FANK1: variants seen among roughly 807,000 people sequenced by gnomAD.
FANK1 encodes fibronectin type III and ankyrin repeat domains 1, also known as fibronectin type 3 and ankyrin repeat domains protein 1.
FANK1 carries 44 observed loss-of-function variants against 45.3 expected under a neutral mutation model. That is an observed-to-expected ratio of 0.97 (90% confidence interval 0.76 to 1.25). The LOEUF is 1.25. Among genes scored for constraint, FANK1 ranks in the 50% most tolerant of loss-of-function variants. FANK1 has a pLI of 0.00. For synonymous variants in FANK1, 149 were observed against 152.5 expected (o/e 0.98, Z 0.17); for missense variants, 391 against 424.4 (o/e 0.92, Z 0.69).
At chr10:125,982,448 G>A (rs1951282064) in intron 2 of FANK1, among the ~76,000 whole-genome samples, 1 of 152,222 alleles carries the variant, frequency 6.6e-6, no homozygotes. Flanking sequence ...CCTGCTCTAA[G>A]GACAGTGGGG....
At chr10:125,994,547 C>T (rs891348411) in intron 3 of FANK1, 87 of 985,280 alleles carry the variant, frequency 8.8e-5, no homozygotes, top group Admixed American at 1.2e-4. Context: ...CCCCCAACAA[C>T]AGGTTGTGTG....
intron 1 of FANK1, among the ~76,000 whole-genome samples, chr10:125,930,709 T>C (rs1298497377): frequency 6.6e-6 from 1 of 152,126 alleles, no homozygotes; most frequent in African/African-American, 2.4e-5. Context: ...TTTTGGCCTC[T>C]GTAAGTTCCT....
chr10:125,905,135 A>C (rs1483985672), intron 1 of FANK1, among the ~76,000 whole-genome samples: 10 of 149,724 alleles, frequency 6.7e-5, no homozygotes, highest in African/African-American at 2.4e-4. Context: ...TGTCCCAAAA[A>C]AAAAAAAAAA....
intron 1 of FANK1, among the ~76,000 whole-genome samples, chr10:125,961,575 A>G (rs1035960551): frequency 2.6e-5 from 4 of 152,214 alleles, no homozygotes; most frequent in African/African-American, 7.2e-5. Context: ...AAAGACCTAA[A>G]TGTAAGATCT....
intron 1 of FANK1, among the ~76,000 whole-genome samples, chr10:125,954,118 T>C (rs1019213035): frequency 3.9e-5 from 6 of 152,190 alleles, no homozygotes; most frequent in Non-Finnish European, 5.9e-5. Context: ...CAGAACCTGA[T>C]TGGCTAACTT....
chr10:125,997,486 G>T lies in FANK1; in HGVS notation c.539+1G>T. On this transcript the variant is annotated splice_donor_variant, in intron 6 of 10. Transcript: ENST00000368693. LOFTEE classifies it high-confidence loss of function. ...TGAAGAATGGAAGTGGCAAGGACAGGTAGGAGGTGGGATATGACTGAAATT... is the reference window on the plus strand; with the variant it reads ...TGAAGAATGGAAGTGGCAAGGACAGTTAGGAGGTGGGATATGACTGAAATT... 6.2e-7 allele frequency: 1 copy of T among 1,613,500 alleles called. No individual in the cohort carries two copies. Among genetic ancestry groups the T allele is most frequent in the Non-Finnish European group, 8.5e-7 (1 of 1,179,652 alleles).
intron 1 of FANK1, among the ~76,000 whole-genome samples, chr10:125,958,520 G>GA (rs1398857529): frequency 6.6e-6 from 1 of 152,154 alleles, no homozygotes; most frequent in African/African-American, 2.4e-5. Flanking sequence ...TTACAGGCAT[G>GA]AGCCACCATG....
At position 125,917,635 on chromosome 10, in the gene FANK1, T is replaced by TTAAAG. The variant is rs1455547296; in HGVS notation, c.13+20983_13+20984insAGTAA. Among the ~76,000 whole-genome samples, 5 of 141,954 alleles carry TTAAAG rather than the reference T, an allele frequency of 3.5e-5. No individual in the cohort carries two copies. The East Asian group carries it at 1.0e-3, about 30-fold the overall frequency. 93.1% of individuals were successfully genotyped at this position (141,954 alleles called of 152,430 possible). A position where few individuals can be genotyped will look rare whatever the true frequency, so the allele number is the denominator to read the frequency against. On this transcript the variant is annotated intron_variant, in intron 1 of 10. Transcript: ENST00000368693. ...TCTTCTGTGTCATATAAAACTTATA[T>TTAAAG]TAAGTAAATGTGTATGCTTTTCTCT...
chr10:125,984,152 T>C (rs1951403904), intron 2 of FANK1, among the ~76,000 whole-genome samples: 1 of 152,114 alleles, frequency 6.6e-6, no homozygotes, highest in African/African-American at 2.4e-5. Flanking sequence ...CTCAGTGGCT[T>C]ATGGCAGCAG....
rs985367412 is a variant in FANK1, at chr10:125,907,441, T to A, written c.13+10786T>A. On this transcript the variant is annotated intron_variant, in intron 1 of 10. Coordinates refer to ENST00000368693, the MANE Select transcript of FANK1 (RefSeq NM_145235.5). ...TGTCCTGGTGTTGTACTCTGTATGA[T>A]CTCTTCCTTTTTTAGTGTGGATGGG... 4.0e-5 allele frequency: 39 copies of A among 975,440 alleles called. No individual in the cohort carries two copies. The African/African-American group carries it at 5.9e-4, about 15-fold the overall frequency. The allele number at this position is 975,440 out of a possible 1,614,324, so 60.4% of individuals were successfully genotyped here. A position where few individuals can be genotyped will look rare whatever the true frequency, so the allele number is the denominator to read the frequency against.
chr10:125,971,465 A>C (rs543857731), intron 1 of FANK1, among the ~76,000 whole-genome samples: 2 of 151,576 alleles, frequency 1.3e-5, no homozygotes, highest in Admixed American at 1.3e-4. Context: ...ACTTTATTCA[A>C]ACAATTACCT....
chr10:125,958,618 A>G (rs1949728406), intron 1 of FANK1, among the ~76,000 whole-genome samples: 1 of 152,118 alleles, frequency 6.6e-6, no homozygotes. Flanking sequence ...AGTGTTTAAG[A>G]GTTCCCTTTT....
chr10:125,926,725 C>A (rs1461070748), intron 1 of FANK1, among the ~76,000 whole-genome samples: 1 of 152,096 alleles, frequency 6.6e-6, no homozygotes, highest in East Asian at 1.9e-4. Context: ...CTTTTTCCTG[C>A]TCTTCATTTC....
In FANK1 at chr10:125,995,411, C is replaced by T. The variant is rs1441305671; in HGVS notation, c.317-6C>T. 1.2e-6 allele frequency: 2 copies of T among 1,613,984 alleles called. No individual in the cohort carries two copies. Among genetic ancestry groups the T allele is most frequent in the Admixed American group, 1.7e-5 (1 of 60,026 alleles). On this transcript the variant is annotated splice_polypyrimidine_tract_variant and splice_region_variant and intron_variant, in intron 3 of 10. Transcript: ENST00000368693. ...TGGATGACTGCCTTCCATCTCATTT[C>T]TCCAGGAGAGCCCATAAGTAGTGAG...
intron 1 of FANK1, among the ~76,000 whole-genome samples, chr10:125,926,948 A>T (rs1947387082): frequency 6.6e-6 from 1 of 152,214 alleles, no homozygotes; most frequent in Non-Finnish European, 1.5e-5. Context: ...ATTTTCACCT[A>T]GTTAACACCT....
chr10:125,991,250 G>GGGGTGTGTGTGTGTGTGTGTGTGT (rs138607074), intron 3 of FANK1, among the ~76,000 whole-genome samples: 1 of 145,908 alleles, frequency 6.9e-6, no homozygotes, highest in African/African-American at 2.5e-5. Flanking sequence ...GGTGACCAGG[G>GGGGTGTGTGTGTGTGTGTGTGTGT]GTGTGTGTGT....
chr10:125,945,301 G>A (rs10901472), intron 1 of FANK1, among the ~76,000 whole-genome samples: 45,827 of 152,116 alleles, frequency 0.3, 7,185 homozygotes, highest in East Asian at 0.45. Context: ...TGTGAGCGAC[G>A]CAGAAGACGG....
chr10:125,959,997 A>G (rs1269908708), intron 1 of FANK1, among the ~76,000 whole-genome samples: 1 of 152,164 alleles, frequency 6.6e-6, no homozygotes, highest in Non-Finnish European at 1.5e-5. Context: ...ATTTAGAGCT[A>G]TATTTCTTCT....
At chr10:125,986,359 A>C in intron 2 of FANK1, among the ~76,000 whole-genome samples, 1 of 152,174 alleles carries the variant, frequency 6.6e-6, no homozygotes. Flanking sequence ...AGGATCATTG[A>C]ACGTTCAGTG....
Sources: allele counts gnomAD v4.1 joint callset (sites outside exome capture counted in the v4.1 genomes callset), GRCh38; gene constraint gnomAD v4.1.1; transcripts MANE v1.5; gene names NCBI Gene and HGNC (gene_info 2026-07-23, HGNC 2026-07-21).